FLT1: variants seen among roughly 807,000 people sequenced by gnomAD.
FLT1 encodes the protein vascular endothelial growth factor receptor 1.
Under a neutral mutation model 156.3 loss-of-function variants are expected in FLT1, and 49 were observed. The observed-to-expected ratio is 0.31, with a 90% CI of 0.25 to 0.40. FLT1 has a LOEUF of 0.40. Ranked by LOEUF, FLT1 falls within the 10% of genes least tolerant of loss-of-function variation. The pLI, the probability that FLT1 is intolerant of heterozygous loss-of-function variation, is 1.00. For missense variants in FLT1, 1,322 were observed against 1,637.2 expected, an observed-to-expected ratio of 0.81 and a Z score of 3.32; for synonymous variants, 594 against 583.8, an observed-to-expected ratio of 1.02 and a Z score of -0.25.
At position 28,424,674 on chromosome 13, in the gene FLT1, G is replaced by A. The variant is rs532474932; in HGVS notation, c.1436+2485C>T. ...CTCAAACTAAGCGAATGCTTTGGCC[G>A]TGGATATACATAGATACGCCCTTTC... On this transcript the variant is annotated intron_variant, in intron 10 of 29. Coordinates refer to ENST00000282397, the MANE Select transcript of FLT1 (RefSeq NM_002019.4). Among the ~76,000 whole-genome samples the A allele has an allele frequency of 7.2e-5, 11 of 152,268 alleles. No homozygotes were observed. In the East Asian group the frequency reaches 1.9e-3, roughly 27 times the overall value.
At chr13:28,393,983 G>C (rs1171970055) in intron 12 of FLT1, among the ~76,000 whole-genome samples, 1 of 152,032 alleles carries the variant, frequency 6.6e-6, no homozygotes, top group Non-Finnish European at 1.5e-5. Context: ...TTTTAGACAG[G>C]CACTTTTAAA....
chr13:28,395,728 A>G (rs930963542), intron 12 of FLT1, among the ~76,000 whole-genome samples: 1 of 152,218 alleles, frequency 6.6e-6, no homozygotes, highest in African/African-American at 2.4e-5. Flanking sequence ...ATACTAGGAT[A>G]TATGTAATTT....
At chr13:28,417,821 T>C (rs1170153384) in intron 10 of FLT1, among the ~76,000 whole-genome samples, 1 of 152,116 alleles carries the variant, frequency 6.6e-6, no homozygotes, top group Non-Finnish European at 1.5e-5. Flanking sequence ...TTGAAGTGAC[T>C]AGGTCAAGGC....
At chr13:28,469,263 C>T (rs918482844) in intron 1 of FLT1, among the ~76,000 whole-genome samples, 2 of 152,162 alleles carry the variant, frequency 1.3e-5, no homozygotes, top group African/African-American at 4.8e-5. Context: ...ACAGTGGAAG[C>T]AAAGGTAGAA....
chr13:28,380,961 C>A (rs1011181480), intron 14 of FLT1, among the ~76,000 whole-genome samples: 1 of 152,040 alleles, frequency 6.6e-6, no homozygotes, highest in Non-Finnish European at 1.5e-5. Flanking sequence ...TAATGAGTTG[C>A]CCAAATTCTT....
chr13:28,484,292 C>T (rs938217156), intron 1 of FLT1, among the ~76,000 whole-genome samples: 1 of 152,204 alleles, frequency 6.6e-6, no homozygotes, highest in African/African-American at 2.4e-5. Context: ...GAGGAGCCCA[C>T]GTTGGATTCC....
At chr13:28,412,330 T>TTTC (rs1476195337) in intron 10 of FLT1, among the ~76,000 whole-genome samples, 28,529 of 91,438 alleles carry the variant, frequency 0.31, 5,431 homozygotes, top group Middle Eastern at 0.47. Context: ...TCTTTCTTTC[T>TTTC]TTTCTTTCTT....
In FLT1 at chr13:28,473,785, A is replaced by G. The variant is rs201223255; in HGVS notation, c.65-6168T>C. 9.1e-3 allele frequency among the ~76,000 whole-genome samples: 764 copies of G among 83,856 alleles called. 4 individuals are homozygous for G. Among genetic ancestry groups the G allele is most frequent in the Admixed American group, 0.023 (170 of 7,334 alleles). 55.0% of individuals were successfully genotyped at this position (83,856 alleles called of 152,430 possible). On this transcript the variant is annotated intron_variant, in intron 1 of 29. Transcript: ENST00000282397. ...AGGAAGGAAGGAAGGAAGGAAAGAAAGAAAGAAAGAAAGAAAGAAAGAAAG... is the reference window on the plus strand; with the variant it reads ...AGGAAGGAAGGAAGGAAGGAAAGAAGGAAAGAAAGAAAGAAAGAAAGAAAG...
At chr13:28,320,313 A>AT (rs1338957554) in intron 23 of FLT1, among the ~76,000 whole-genome samples, 10 of 151,932 alleles carry the variant, frequency 6.6e-5, no homozygotes, top group Admixed American at 4.6e-4. Context: ...CTTTATTTTT[A>AT]TTTTTTTATT....
intron 12 of FLT1, among the ~76,000 whole-genome samples, chr13:28,394,589 A>C (rs369313355): frequency 6.6e-6 from 1 of 152,184 alleles, no homozygotes; most frequent in Non-Finnish European, 1.5e-5. Flanking sequence ...GTTAGCTTTC[A>C]TTGGGAACAG....
intron 25 of FLT1, among the ~76,000 whole-genome samples, chr13:28,313,601 C>A (rs1465971641): frequency 6.6e-6 from 1 of 152,114 alleles, no homozygotes; most frequent in Non-Finnish European, 1.5e-5. Flanking sequence ...CTCTCGCCTA[C>A]CACAGGGCAA....
In FLT1 at chr13:28,431,450, C is replaced by T. The variant is rs566328577; in HGVS notation, c.814-140G>A. On this transcript the variant is annotated intron_variant, in intron 6 of 29. Transcript: ENST00000282397. The stretch of plus-strand genomic sequence containing the variant: ...AGAATCATGTCAAATCCACCTAGAG[C>T]GTAATGTTTGGAAACTACATCTGTG... 108 of 684,538 alleles carry T rather than the reference C, an allele frequency of 1.6e-4. 1 individual carries two copies. Among genetic ancestry groups the T allele is most frequent in the East Asian group, 5.4e-5 (2 of 37,086 alleles). The allele number at this position is 684,538 out of a possible 1,614,324, so 42.4% of individuals were successfully genotyped here. A position where few individuals can be genotyped will look rare whatever the true frequency, so the allele number is the denominator to read the frequency against.
intron 28 of FLT1, chr13:28,308,292 C>T: frequency 5.6e-6 from 1 of 178,078 alleles, no homozygotes; most frequent in Admixed American, 5.4e-5. Flanking sequence ...CTCCCCTTAG[C>T]CCCTCAACCC....
intron 22 of FLT1, among the ~76,000 whole-genome samples, chr13:28,321,927 ATATGGCTATATTAATAGTAGCT>A (rs1328456937): frequency 3.9e-5 from 6 of 152,236 alleles, no homozygotes; most frequent in African/African-American, 1.4e-4. Flanking sequence ...GGAGGGCCCT[ATATGGCTATATTAATAGTAGCT>A]CTCCTATGAA....
At chr13:28,483,954 G>A (rs1358925139) in intron 1 of FLT1, among the ~76,000 whole-genome samples, 2 of 152,140 alleles carry the variant, frequency 1.3e-5, no homozygotes, top group Non-Finnish European at 2.9e-5. Context: ...AAAGACCTAG[G>A]TTTGAATCTT....
chr13:28,336,406 A>C (rs1249088653), intron 17 of FLT1, among the ~76,000 whole-genome samples: 2 of 152,152 alleles, frequency 1.3e-5, no homozygotes, highest in African/African-American at 4.8e-5. Flanking sequence ...ACCTCACCTG[A>C]TCTTTCTTTT....
chr13:28,324,503 T>C (rs1566286627), intron 20 of FLT1, among the ~76,000 whole-genome samples: 1 of 152,216 alleles, frequency 6.6e-6, no homozygotes, highest in African/African-American at 2.4e-5. Flanking sequence ...AAAAGAGACC[T>C]TCCGGGGTTG....
chr13:28,340,079 G>A (rs1566293842), intron 16 of FLT1, among the ~76,000 whole-genome samples: 1 of 152,168 alleles, frequency 6.6e-6, no homozygotes, highest in South Asian at 2.1e-4. Context: ...GCTAGGTGTG[G>A]TGGTACACAC....
chr13:28,314,268 G>A (rs1219260213), intron 25 of FLT1, among the ~76,000 whole-genome samples: 1 of 152,164 alleles, frequency 6.6e-6, no homozygotes, highest in Admixed American at 6.5e-5. Context: ...TTTCCCTGCT[G>A]ACACTCGTAA....
Sources: allele counts gnomAD v4.1 joint callset (sites outside exome capture counted in the v4.1 genomes callset), GRCh38; gene constraint gnomAD v4.1.1; transcripts MANE v1.5; gene names NCBI Gene and HGNC (gene_info 2026-07-23, HGNC 2026-07-21).